The following MTFR1 variants were observed in gnomAD, a reference collection of about 807,000 sequenced individuals.
MTFR1 encodes the protein mitochondrial fission regulator 1.
MTFR1 carries 28 observed loss-of-function variants against 38.8 expected under a neutral mutation model. That is an observed-to-expected ratio of 0.72 (90% CI 0.53 to 0.99). The LOEUF (loss-of-function observed/expected upper bound fraction) is 0.99. Ranked by LOEUF, MTFR1 falls within the 50% of genes least tolerant of loss-of-function variation. The pLI is 0.00. For missense variants in MTFR1, 358 were observed against 395.5 expected (o/e 0.91, Z 0.81); for synonymous variants, 145 against 137.0 (o/e 1.06, Z -0.41).
intron 3 of MTFR1, among the ~76,000 whole-genome samples, chr8:65,688,122 C>T (rs954883359): frequency 1.5e-4 from 22 of 145,048 alleles, no homozygotes; most frequent in African/African-American, 5.1e-4. Flanking sequence ...AAAAACAGGC[C>T]GGGCATGGTG....
intron 3 of MTFR1, among the ~76,000 whole-genome samples, chr8:65,732,296 G>A (rs1204821273): frequency 1.3e-5 from 2 of 151,880 alleles, no homozygotes; most frequent in East Asian, 3.9e-4. Flanking sequence ...ACCATGCCCA[G>A]CCACTAACAT....
intron 1 of MTFR1, among the ~76,000 whole-genome samples, chr8:65,667,233 ACCATTGTACT>A (rs1339043011): frequency 6.6e-6 from 1 of 151,518 alleles, no homozygotes; most frequent in African/African-American, 2.4e-5. Context: ...CCAAGATTGC[ACCATTGTACT>A]CCAGCCTGGG....
intron 3 of MTFR1, among the ~76,000 whole-genome samples, chr8:65,692,953 T>C (rs1352494307): frequency 6.6e-6 from 1 of 150,574 alleles, no homozygotes; most frequent in African/African-American, 2.4e-5. Flanking sequence ...TGGAGTATAG[T>C]GGCACGATCT....
rs550060845 is a variant in MTFR1 at position 65,654,153 on chromosome 8, T to C, written c.-81+9369T>C. Among the ~76,000 whole-genome samples, 5 of 151,406 alleles carry C rather than the reference T, an allele frequency of 3.3e-5. No individual in the cohort carries two copies. The East Asian group carries it at 9.7e-4, about 29-fold the overall frequency. ...AACATACAAACAATACAGGAGTGCA[T>C]AAGTGTATAATAAAAGTGGAGGGTC... is the stretch of plus-strand genomic sequence containing the variant. On this transcript the variant is annotated intron_variant, in intron 1 of 7. Transcript: ENST00000262146.
chr8:65,728,963 CA>C (rs1162950301), intron 3 of MTFR1, among the ~76,000 whole-genome samples: 5 of 151,276 alleles, frequency 3.3e-5, no homozygotes, highest in Non-Finnish European at 5.9e-5. Context: ...ATCACACATG[CA>C]AAAAAATATT....
chr8:65,726,779 A>C, intron 3 of MTFR1: 1 of 671,706 alleles, frequency 1.5e-6, no homozygotes, highest in Non-Finnish European at 2.7e-6. Flanking sequence ...ACTGTGGAAC[A>C]CCTGAACATA....
chr8:65,682,930 T>C, intron 3 of MTFR1: 1 of 985,222 alleles, frequency 1.0e-6, no homozygotes, highest in Non-Finnish European at 1.2e-6. Flanking sequence ...GCAATGACAG[T>C]GTCAAGACAA....
At chr8:65,760,419 T>C (rs1247972565) in intron 3 of MTFR1, among the ~76,000 whole-genome samples, 1 of 152,202 alleles carries the variant, frequency 6.6e-6, no homozygotes, top group East Asian at 1.9e-4. Flanking sequence ...TCCTTATAAC[T>C]AAATTTTTGT....
intron 3 of MTFR1, among the ~76,000 whole-genome samples, chr8:65,741,239 C>T (rs76135647): frequency 0.017 from 2,597 of 152,266 alleles, 33 homozygotes; most frequent in Middle Eastern, 0.034. Flanking sequence ...ACATCCTTCA[C>T]ATAGACTCAT....
chr8:65,708,287 T>A (rs1805846590), intron 7 of MTFR1: 1 of 530,262 alleles, frequency 1.9e-6, no homozygotes. Flanking sequence ...AAAGCCAAAG[T>A]TAACCCCTGA....
chr8:65,723,306 G>A, intron 3 of MTFR1: 1 of 277,512 alleles, frequency 3.6e-6, no homozygotes, highest in East Asian at 7.3e-5. Context: ...ATTTACATAA[G>A]AACAGAAACA....
chr8:65,663,089 G>T (rs1276027298), intron 1 of MTFR1, among the ~76,000 whole-genome samples: 1 of 152,180 alleles, frequency 6.6e-6, no homozygotes, highest in African/African-American at 2.4e-5. Context: ...GGAATAGAAA[G>T]GGGGGAAAGG....
chr8:65,682,636 T>G, intron 3 of MTFR1, 185 bp downstream of exon 3: 1 of 572,542 alleles, frequency 1.7e-6, no homozygotes, highest in Non-Finnish European at 2.2e-6. Flanking sequence ...TGTGACGTGA[T>G]TGAGATTTTT....
intron 3 of MTFR1, among the ~76,000 whole-genome samples, chr8:65,736,790 G>GGTT (rs1554557020): frequency 7.8e-6 from 1 of 128,820 alleles, no homozygotes. Flanking sequence ...AAATTTATCT[G>GGTT]TTTTTTTTTT....
At chr8:65,758,740 G>T (rs865935050) in intron 3 of MTFR1, among the ~76,000 whole-genome samples, 1 of 152,194 alleles carries the variant, frequency 6.6e-6, no homozygotes, top group African/African-American at 2.4e-5. Flanking sequence ...TCTGACAACT[G>T]TTGGCCACCG....
chr8:65,677,068 CTTTTTTT>C (rs1166560010), intron 2 of MTFR1, among the ~76,000 whole-genome samples: 25 of 100,108 alleles, frequency 2.5e-4, no homozygotes, highest in Admixed American at 1.3e-3. Context: ...CTATTTCTCT[CTTTTTTT>C]TTTTTTTTTT....
chr8:65,653,229 T>C (rs202097025), intron 1 of MTFR1, among the ~76,000 whole-genome samples: 29,209 of 152,160 alleles, frequency 0.19, 2,955 homozygotes, highest in Middle Eastern at 0.23. Context: ...TTATTTAAGA[T>C]CGAGCACAGT....
chr8:65,668,430 C>T (rs1319641032), intron 1 of MTFR1, among the ~76,000 whole-genome samples: 11 of 150,870 alleles, frequency 7.3e-5, no homozygotes, highest in East Asian at 1.9e-4. Context: ...TCAAGTGATC[C>T]GCCCGCCTCA....
intron 3 of MTFR1, chr8:65,682,976 C>T (rs1804948127): frequency 2.1e-6 from 2 of 950,924 alleles, no homozygotes. Context: ...AGGTGATAGT[C>T]AAACCGTGAA....
Sources: gnomAD v4.1 joint callset for allele counts (sites outside exome capture counted in the v4.1 genomes callset) on GRCh38, gnomAD v4.1.1 for gene constraint, MANE v1.5 for transcripts, NCBI Gene and HGNC (gene_info 2026-07-23, HGNC 2026-07-21) for gene names.